Variants in CRYBG3 observed in about 807,000 individuals in gnomAD.
CRYBG3 encodes the protein very large A-kinase anchor protein.
Under a neutral mutation model 244.2 loss-of-function variants are expected in CRYBG3, and 127 were observed. The observed-to-expected ratio is 0.52, with a 90% confidence interval of 0.45 to 0.60. The LOEUF (loss-of-function observed/expected upper bound fraction) is 0.60. Among genes scored for constraint, CRYBG3 ranks in the 20% least tolerant of loss-of-function variants. CRYBG3 has a pLI of 0.00. For missense variants in CRYBG3, 3,325 were observed against 3,442.5 expected (o/e 0.97, Z 0.85); for synonymous variants, 1,132 against 1,195.8 (o/e 0.95, Z 1.10).
chr3:97,845,921 G>A lies in CRYBG3; in HGVS notation c.216+2660G>A, dbSNP rs1322898407. On this transcript the variant is annotated intron_variant, in intron 2 of 21. Transcript: ENST00000389622. ...TACCTTTTACCTCAAAATTCCTTAT[G>A]AAAGTCTGTCTTAAGCATTGTTCAG... Among the ~76,000 whole-genome samples the A allele has an allele frequency of 2.6e-5, 4 of 152,104 alleles. No individual in the cohort carries two copies. The East Asian group carries it at 7.7e-4, about 29-fold the overall frequency.
At chr3:97,924,523 G>C in intron 17 of CRYBG3, 1 of 374,746 alleles carries the variant, frequency 2.7e-6, no homozygotes, top group Non-Finnish European at 5.2e-6. Flanking sequence ...TCAGAAGTCT[G>C]AAATTGGTCT....
At chr3:97,943,125 A>T in intron 21 of CRYBG3, 101 bp from the exon 22 acceptor site, 1 of 658,764 alleles carries the variant, frequency 1.5e-6, no homozygotes, top group South Asian at 1.9e-5. Context: ...TGACACATTC[A>T]TCCACCGAAA....
chr3:97,886,845 A>C (rs948359119), intron 8 of CRYBG3, 78 bp downstream of exon 8: 24 of 1,256,326 alleles, frequency 1.9e-5, no homozygotes, highest in Non-Finnish European at 2.4e-5. Context: ...ACATTTTTCT[A>C]AAGTTTCTAG....
At chr3:97,922,908 A>T (rs2039998335) in intron 17 of CRYBG3, among the ~76,000 whole-genome samples, 1 of 146,314 alleles carries the variant, frequency 6.8e-6, no homozygotes, top group African/African-American at 2.4e-5. Context: ...TTGTGGCACT[A>T]TTCACAATAG....
intron 17 of CRYBG3, among the ~76,000 whole-genome samples, chr3:97,919,081 T>C (rs2039957267): frequency 6.6e-6 from 1 of 152,156 alleles, no homozygotes; most frequent in African/African-American, 2.4e-5. Flanking sequence ...GTTACTAGAT[T>C]TTGGAGAAAA....
chr3:97,874,933 A>C lies in CRYBG3; in HGVS notation c.3739A>C (p.Asn1247His). ...GTLKEDISEK[N>H]PSEVTLTEIQ... ...CCTGAAAGAAGACATCTCTGAGAAA[A>C]ACCCATCAGAAGTGACACTAACAGA... Residue 1247 changes from asparagine (N) to histidine (H), a missense_variant, in exon 4 of 22, where the codon AAC (asparagine) becomes CAC (histidine). Coordinates refer to ENST00000389622, the MANE Select transcript of CRYBG3 (RefSeq NM_153605.4). 6.5e-7 allele frequency: 1 copy of C among 1,535,786 alleles called. No individual in the cohort carries two copies. The highest frequency in any genetic ancestry group is 8.7e-7 in the Non-Finnish European group (1 of 1,146,796).
chr3:97,874,792 G>A lies in CRYBG3; in HGVS notation c.3598G>A (p.Ala1200Thr). The A allele has an allele frequency of 2.6e-6, 4 of 1,536,004 alleles. No individual in the cohort carries two copies. The South Asian group carries it at 3.6e-5, about 14-fold the overall frequency. The change falls in exon 4 of 22, where the codon GCC becomes ACC. Residue 1200 changes from alanine to threonine, a missense_variant. This residue lies in a region of CRYBG3 where 1,526 missense variants were observed against 1,443.2 expected (regional missense o/e 1.06). Coordinates refer to ENST00000389622, the MANE Select transcript of CRYBG3 (RefSeq NM_153605.4). ...CCTCAAAAGTAGTTTACTCAAAAAG[G>A]CCGATACATTGATTGGTGAGATTTT... The part of the protein sequence containing the change: ...LDLKSSLLKK[A>T]DTLIGEIFNS...
At position 97,874,568 on chromosome 3, in the gene CRYBG3, T is replaced by A; in HGVS notation, c.3374T>A (p.Phe1125Tyr). Residue 1125 changes from phenylalanine to tyrosine, a missense_variant, in exon 4 of 22, where the codon TTT becomes TAT. Physicochemically the swap from Phe to Tyr is conservative, Grantham distance 22. This residue lies in a region of CRYBG3 where 1,526 missense variants were observed against 1,443.2 expected (regional missense o/e 1.06). Transcript: ENST00000389622. ...SVSIGTEVTP[F>Y]QEHFGIYTGK... ...TCAATTGGGACAGAAGTAACCCCATTTCAGGAACATTTTGGGATTTATACT... is the reference window on the plus strand; with the variant it reads ...TCAATTGGGACAGAAGTAACCCCATATCAGGAACATTTTGGGATTTATACT... 6.5e-7 allele frequency: 1 copy of A among 1,535,952 alleles called. No homozygotes were observed. The highest frequency in any genetic ancestry group is 8.7e-7 in the Non-Finnish European group (1 of 1,146,828).
intron 17 of CRYBG3, among the ~76,000 whole-genome samples, chr3:97,928,325 G>A (rs2040062076): frequency 6.6e-6 from 1 of 152,000 alleles, no homozygotes; most frequent in Admixed American, 6.6e-5. Flanking sequence ...AATATGTAAT[G>A]TTTTCAATTA....
At chr3:97,837,034 A>C (rs1437494672) in intron 1 of CRYBG3, 1 of 152,166 alleles carries the variant, frequency 6.6e-6, no homozygotes, top group African/African-American at 2.4e-5. Flanking sequence ...AATCAGATCC[A>C]AAAACGTTCA....
At chr3:97,842,419 G>A (rs182327706) in intron 1 of CRYBG3, among the ~76,000 whole-genome samples, 1 of 151,866 alleles carries the variant, frequency 6.6e-6, no homozygotes, top group East Asian at 1.9e-4. Context: ...GAAATAACTG[G>A]GCATGGTAGC....
At chr3:97,890,138 C>T (rs538189636) in intron 10 of CRYBG3, among the ~76,000 whole-genome samples, 1 of 152,292 alleles carries the variant, frequency 6.6e-6, no homozygotes, top group African/African-American at 2.4e-5. Flanking sequence ...CTCTCAGCCA[C>T]ATAGATGTAG....
intron 17 of CRYBG3, among the ~76,000 whole-genome samples, chr3:97,929,747 G>T (rs1027215769): frequency 6.6e-6 from 1 of 151,792 alleles, no homozygotes; most frequent in Non-Finnish European, 1.5e-5. Flanking sequence ...TGTCCAATAG[G>T]TTTCTTAGAG....
Position 97,944,941 on chromosome 3 carries a change from G to GATTAA in CRYBG3, c.*1630_*1634dup, listed in dbSNP as rs2040319132. On this transcript the variant is annotated 3_prime_UTR_variant, in exon 22 of 22. Transcript: ENST00000389622. ...GAATTGTGCCTTTTCTACCACACTGGATTAAATAAACTTGTCAAAATATGG... is the reference window on the plus strand; with the variant it reads ...GAATTGTGCCTTTTCTACCACACTGGATTAAATTAAATAAACTTGTCAAAATATGG... 3.2e-6 allele frequency: 1 copy of GATTAA among 316,514 alleles called. No homozygotes were observed. The highest frequency in any genetic ancestry group is 9.1e-5 in the South Asian group (1 of 10,994). 19.6% of individuals were successfully genotyped at this position (316,514 alleles called of 1,614,324 possible).
intron 1 of CRYBG3, among the ~76,000 whole-genome samples, chr3:97,822,931 G>A (rs1309916669): frequency 6.6e-6 from 1 of 152,174 alleles, no homozygotes; most frequent in Non-Finnish European, 1.5e-5. Context: ...GTGATAATGC[G>A]TTCCCAAGAC....
chr3:97,870,413 A>G (rs941687457), intron 3 of CRYBG3, among the ~76,000 whole-genome samples: 6 of 152,082 alleles, frequency 3.9e-5, no homozygotes, highest in African/African-American at 1.4e-4. Flanking sequence ...TCCTGTGTTA[A>G]TTCACTTAGG....
At position 97,877,881 on chromosome 3, in the gene CRYBG3, A is replaced by G. The variant is rs770511997; in HGVS notation, c.6687A>G (p.Leu2229=). 5.6e-6 allele frequency: 9 copies of G among 1,613,958 alleles called. No individual in the cohort carries two copies. The highest frequency in any genetic ancestry group is 7.6e-6 in the Non-Finnish European group (9 of 1,180,016). Residue 2229 remains leucine, a synonymous_variant, in exon 4 of 22, where the codon CTA becomes CTG. Coordinates refer to ENST00000389622, the MANE Select transcript of CRYBG3 (RefSeq NM_153605.4). The part of the protein sequence containing the change: ...FLQKSDLTSK[L]HSSLKSAYHQ... Reference sequence around the variant, plus strand: ...AGAAATCTGACCTTACTTCTAAACTACATTCTTCTTTAAAGAGTGCTTATC... The same window carrying G: ...AGAAATCTGACCTTACTTCTAAACTGCATTCTTCTTTAAAGAGTGCTTATC...
chr3:97,908,736 A>G (rs1465888575), intron 15 of CRYBG3, among the ~76,000 whole-genome samples: 1 of 152,140 alleles, frequency 6.6e-6, no homozygotes, highest in Non-Finnish European at 1.5e-5. Context: ...TGGAGCATTT[A>G]GTCCATTTAT....
At position 97,872,395 on chromosome 3, in the gene CRYBG3, G is replaced by T. The variant is rs182035506; in HGVS notation, c.1201G>T (p.Val401Leu). The change falls in exon 4 of 22, where the codon GTA becomes TTA. Residue 401 changes from valine (V) to leucine (L), a missense_variant. Transcript: ENST00000389622. ...KVPCSPDFQRVTTTENTIKEN... is the reference protein window; with the variant it reads ...KVPCSPDFQRLTTTENTIKEN... Reference sequence around the variant, plus strand: ...CCCTTGCAGCCCAGATTTTCAGAGAGTAACTACAACAGAAAATACGATAAA... The same window carrying T: ...CCCTTGCAGCCCAGATTTTCAGAGATTAACTACAACAGAAAATACGATAAA... 6.5e-7 allele frequency: 1 copy of T among 1,535,844 alleles called. No individual in the cohort carries two copies. The highest frequency in any genetic ancestry group is 1.4e-5 in the African/African-American group (1 of 73,108).
Sources: allele counts gnomAD v4.1 joint callset (sites outside exome capture counted in the v4.1 genomes callset), GRCh38; gene constraint gnomAD v4.1.1; regional missense constraint gnomAD v4.1.1; transcripts MANE v1.5; gene names NCBI Gene and HGNC (gene_info 2026-07-23, HGNC 2026-07-21).